CUL7: variants seen among roughly 807,000 people sequenced by gnomAD.
The protein encoded by CUL7 is cullin 7.
A neutral mutation model predicts 177.7 loss-of-function variants in CUL7; 96 were observed. The ratio of observed to expected loss-of-function variants is 0.54; its 90% confidence interval spans 0.46 to 0.64. CUL7 has a LOEUF of 0.64. Among genes scored for constraint, CUL7 ranks in the 30% least tolerant of loss-of-function variants. CUL7 has a pLI of 0.00. For synonymous variants in CUL7, 824 were observed against 890.2 expected (o/e 0.93, Z 1.32); for missense variants, 1,893 against 2,187.9 (o/e 0.87, Z 2.69).
Position 43,043,545 on chromosome 6 carries a change from G to T in CUL7, c.3258C>A (p.Gly1086=), listed in dbSNP as rs1410358690. The change falls in exon 17 of 26, where the codon GGC becomes GGA. Residue 1086 remains glycine, a synonymous_variant. Coordinates refer to ENST00000265348, the MANE Select transcript of CUL7 (RefSeq NM_014780.5). This position sits in a 1 kb window ranked among gnomAD's most constrained non-coding sequence, Gnocchi z 4.2. ...QEAVFNPQSR[G]PAFFSRVRRL... is the part of the protein sequence containing the mutation. ...GGCGCACCCGCGAGAAGAAAGCTGGGCCGCGGCTCTGGGGGTTGAAGACAG... is the reference window on the plus strand; with the variant it reads ...GGCGCACCCGCGAGAAGAAAGCTGGTCCGCGGCTCTGGGGGTTGAAGACAG... 3.7e-6 allele frequency: 6 copies of T among 1,614,032 alleles called. No individual in the cohort carries two copies. Among genetic ancestry groups the T allele is most frequent in the Non-Finnish European group, 5.1e-6 (6 of 1,179,958 alleles).
rs776082514 is a variant in CUL7 at position 43,052,272 on chromosome 6, G to A, written c.517C>T (p.Pro173Ser). ...GCACTCCAGCGAATCTGATAATCAGGACTACTCAACATGTGCATGAGCAAG... is the reference window on the plus strand; with the variant it reads ...GCACTCCAGCGAATCTGATAATCAGAACTACTCAACATGTGCATGAGCAAG... ...LDLLMHMLSS[P>S]DYQIRWSAGR... Residue 173 changes from proline (P) to serine (S), a missense_variant, in exon 2 of 26, where the codon CCT becomes TCT. By Grantham distance (74) the Pro-to-Ser change is moderately conservative. Around this residue, in one of 5 missense-constraint regions of CUL7, gnomAD observed 653 missense variants for 725.2 expected, o/e 0.90. Coordinates refer to ENST00000265348, the MANE Select transcript of CUL7 (RefSeq NM_014780.5). The surrounding 1 kb of genome is among the most constrained non-coding windows in gnomAD (Gnocchi z 4.5). 1 of 1,614,174 alleles carries A rather than the reference G, an allele frequency of 6.2e-7. No individual in the cohort carries two copies. Among genetic ancestry groups the A allele is most frequent in the South Asian group, 1.1e-5 (1 of 91,080 alleles).
intron 16 of CUL7, 94 bp downstream of exon 16, chr6:43,044,658 C>T: frequency 1.3e-6 from 2 of 1,520,596 alleles, no homozygotes; most frequent in Non-Finnish European, 1.8e-6. Flanking sequence ...AGGGCCAGGA[C>T]ATAATCCAGG....
chr6:43,046,532 A>G lies in CUL7; in HGVS notation c.2467T>C (p.Phe823Leu). The change falls in exon 11 of 26, where the codon TTC becomes CTC. Residue 823 changes from phenylalanine (F) to leucine (L), a missense_variant. This residue lies in a region of CUL7 where 973 missense variants were observed against 1,140.9 expected (regional missense o/e 0.85). Coordinates refer to ENST00000265348, the MANE Select transcript of CUL7 (RefSeq NM_014780.5). ...GAACCCTGGCACAGGTATCTGAGGAACACATCAAAGAAAGGGATGTTGATG... is the reference window on the plus strand; with the variant it reads ...GAACCCTGGCACAGGTATCTGAGGAGCACATCAAAGAAAGGGATGTTGATG... ...QPINIPFFDV[F>L]LRYLCQGSSV... is the part of the protein sequence containing the mutation. 1 of 1,614,168 alleles carries G rather than the reference A, an allele frequency of 6.2e-7. No homozygotes were observed. The highest frequency in any genetic ancestry group is 8.5e-7 in the Non-Finnish European group (1 of 1,180,036).
At position 43,046,264 on chromosome 6, in the gene CUL7, G is replaced by A. The variant is rs761800330; in HGVS notation, c.2632C>T (p.Leu878=). Residue 878 remains leucine (L), a synonymous_variant, in exon 12 of 26, where the codon CTG becomes TTG. Transcript: ENST00000265348. ...ATGAGGATGCCCCGGCGCATGTGCAGGGTGATGTAGTGGGAGCCGGCGCTG... is the reference window on the plus strand; with the variant it reads ...ATGAGGATGCCCCGGCGCATGTGCAAGGTGATGTAGTGGGAGCCGGCGCTG... ...NGSAGSHYIT[L]HMRRGILIRQ... 1 of 1,614,260 alleles carries A rather than the reference G, an allele frequency of 6.2e-7. No homozygotes were observed. The highest frequency in any genetic ancestry group is 1.1e-5 in the South Asian group (1 of 91,092).
At chr6:43,049,707 C>A in intron 6 of CUL7, 45 bp from the exon 7 acceptor site, 1 of 1,610,566 alleles carries the variant, frequency 6.2e-7, no homozygotes, top group Non-Finnish European at 8.5e-7. Flanking sequence ...CCTGCCGACC[C>A]AGAGGCCCCA....
At position 43,040,534 on chromosome 6, in the gene CUL7, A is replaced by C. The variant is rs750745627; in HGVS notation, c.4019T>G (p.Ile1340Arg). 10 of 1,613,894 alleles carry C rather than the reference A, an allele frequency of 6.2e-6. No homozygotes were observed. The highest frequency in any genetic ancestry group is 1.7e-5 in the Admixed American group (1 of 60,008). Residue 1340 changes from isoleucine to arginine, a missense_variant, in exon 21 of 26, where the codon ATA becomes AGA. Transcript: ENST00000265348. This position sits in a 1 kb window ranked among gnomAD's most constrained non-coding sequence, Gnocchi z 4.2. ...LLKLEDTEKK[I>R]QVGLGASGKE... ...TATCCCTTCCAAGGCACTCACCTGT[A>C]TTTTCTTCTCTGTATCCTCCAGCTT...
Position 43,053,621 on chromosome 6 carries a change from C to T in CUL7, c.-9+1G>A. On this transcript the variant is annotated splice_donor_variant, in intron 1 of 25. Coordinates refer to ENST00000265348, the MANE Select transcript of CUL7 (RefSeq NM_014780.5). LOFTEE classifies it low-confidence loss of function (5UTR_SPLICE). The surrounding 1 kb of genome is among the most constrained non-coding windows in gnomAD (Gnocchi z 4.1). ...AGGGGCCGCGGTGGGGCTCTGGCCACCTCAGAAGTCCACCGGGGTCCTGGC... is the reference window on the plus strand; with the variant it reads ...AGGGGCCGCGGTGGGGCTCTGGCCATCTCAGAAGTCCACCGGGGTCCTGGC... 1.5e-6 allele frequency: 2 copies of T among 1,373,398 alleles called. No homozygotes were observed. Among genetic ancestry groups the T allele is most frequent in the Non-Finnish European group, 1.9e-6 (2 of 1,068,008 alleles). 85.1% of individuals were successfully genotyped at this position (1,373,398 alleles called of 1,614,324 possible).
Position 43,040,674 on chromosome 6 carries a change from A to G in CUL7, c.3879T>C (p.Gly1293=). ...GGGGGAGGCGGTTGGGGAAGCAGGGACCGATCTGCTCCAGCACGGCCCCCT... is the reference window on the plus strand; with the variant it reads ...GGGGGAGGCGGTTGGGGAAGCAGGGGCCGATCTGCTCCAGCACGGCCCCCT... ...WLEGAVLEQI[G]PCFPNRLPQQ... The change falls in exon 21 of 26, where the codon GGT becomes GGC. Residue 1293 remains glycine (G), a synonymous_variant. Transcript: ENST00000265348. The surrounding 1 kb of genome is among the most constrained non-coding windows in gnomAD (Gnocchi z 4.2). 6.2e-7 allele frequency: 1 copy of G among 1,614,130 alleles called. No individual in the cohort carries two copies. The highest frequency in any genetic ancestry group is 8.5e-7 in the Non-Finnish European group (1 of 1,180,022).
intron 12 of CUL7, 47 bp from the exon 13 acceptor site, chr6:43,046,138 A>G (rs1763881412): frequency 6.2e-7 from 1 of 1,610,630 alleles, no homozygotes; most frequent in Non-Finnish European, 8.5e-7. Context: ...GACAGGGCCC[A>G]TGGCCAAGTC....
rs1763666649 is a variant in CUL7 at position 43,043,935 on chromosome 6, T to A, written c.3173-305A>T. On this transcript the variant is annotated intron_variant, in intron 16 of 25. Transcript: ENST00000265348. The surrounding 1 kb of genome is among the most constrained non-coding windows in gnomAD (Gnocchi z 4.2). ...GCTCATGCCTGTAATCCCAGCACTT[T>A]GGGAGGCTGAGGTGGGTGGATCACC... Among the ~76,000 whole-genome samples, 1 of 152,138 alleles carries A rather than the reference T, an allele frequency of 6.6e-6. No homozygotes were observed.
Position 43,038,977 on chromosome 6 carries a change from G to T in CUL7, c.4305C>A (p.His1435Gln). ...TCTGTGAGCCTCGCTCAAGGGCAGG[G>T]TGGCTCTGACCTGGACCAGGAAGGG... is the stretch of plus-strand genomic sequence containing the variant. ...YSNFYNKSQSHPALERGSQRR... is the reference protein window; with the variant it reads ...YSNFYNKSQSQPALERGSQRR... Residue 1435 changes from histidine to glutamine, a missense_variant, in exon 23 of 26, where the codon CAC (histidine) becomes CAA (glutamine). Physicochemically the swap from His to Gln is conservative, Grantham distance 24 (BLOSUM62 0). Transcript: ENST00000265348. 6.2e-7 allele frequency: 1 copy of T among 1,611,214 alleles called. No individual in the cohort carries two copies.
At position 43,050,549 on chromosome 6, in the gene CUL7, TACACACACACACACACACACACACAC is replaced by T. The variant is rs58059598; in HGVS notation, c.1234-177_1234-152del. 2.7e-4 allele frequency: 114 copies of T among 419,090 alleles called. No individual in the cohort carries two copies. Among genetic ancestry groups the T allele is most frequent in the East Asian group, 1.2e-3 (24 of 19,634 alleles). 26.0% of individuals were successfully genotyped at this position (419,090 alleles called of 1,614,324 possible). On this transcript the variant is annotated intron_variant, in intron 4 of 25. Transcript: ENST00000265348. The surrounding 1 kb of genome is among the most constrained non-coding windows in gnomAD (Gnocchi z 4.1). ...TAACAAAACAGCAGCATATGGAGAA[TACACACACACACACACACACACACAC>T]ACACACACACACACACACACACACA...
chr6:43,043,150 G>A lies in CUL7; in HGVS notation c.3386C>T (p.Ser1129Phe), dbSNP rs139640313. 1.9e-6 allele frequency: 3 copies of A among 1,614,038 alleles called. No homozygotes were observed. The highest frequency in any genetic ancestry group is 2.5e-6 in the Non-Finnish European group (3 of 1,179,984). Residue 1129 changes from serine (S) to phenylalanine (F), a missense_variant, in exon 18 of 26, where the codon TCC (serine) becomes TTC (phenylalanine). Transcript: ENST00000265348. This position sits in a 1 kb window ranked among gnomAD's most constrained non-coding sequence, Gnocchi z 4.2. Reference protein sequence around the residue: ...KGRNRSHDWSSLATRGLPSSI... With the variant: ...KGRNRSHDWSFLATRGLPSSI... ...GCTTGGAAGGCCCCGGGTAGCCAAG[G>A]AGCTCCAGTCGTGGCTTCTGTTTCT...
rs1763054546 is a variant in CUL7 at position 43,037,664 on chromosome 6, C to T, written c.*24G>A. ...ATTTCTGTAAAAGCTCCAGCTCTAC[C>T]TTCCCCTGACCCCAAGTCTAGGGCT... On this transcript the variant is annotated 3_prime_UTR_variant, in exon 26 of 26. Transcript: ENST00000265348. 1 of 1,543,604 alleles carries T rather than the reference C, an allele frequency of 6.5e-7. No homozygotes were observed. Among genetic ancestry groups the T allele is most frequent in the African/African-American group, 1.4e-5 (1 of 72,982 alleles).
rs1233852957 is a variant in CUL7 at position 43,045,977 on chromosome 6, G to A, written c.2766+9C>T. On this transcript the variant is annotated intron_variant, in intron 13 of 25. Coordinates refer to ENST00000265348, the MANE Select transcript of CUL7 (RefSeq NM_014780.5). This position sits in a 1 kb window ranked among gnomAD's most constrained non-coding sequence, Gnocchi z 4.8. The stretch of plus-strand genomic sequence containing the variant: ...GGTGGAGTAATGGCTAATGGCCCTG[G>A]GGTCCTACCGAGTTGAGTTCCGTGT... The A allele has an allele frequency of 1.9e-6, 3 of 1,605,906 alleles. No individual in the cohort carries two copies. The highest frequency in any genetic ancestry group is 1.7e-6 in the Non-Finnish European group (2 of 1,172,592).
At chr6:43,049,385 A>G (rs182261324) in intron 7 of CUL7, 22 bp downstream of exon 7, 1 of 1,614,118 alleles carries the variant, frequency 6.2e-7, no homozygotes, top group East Asian at 2.2e-5. Flanking sequence ...GTGTCAGCTC[A>G]GCTGCTGTGT....
Position 43,050,940 on chromosome 6 carries a change from C to T in CUL7, c.1233+28G>A, listed in dbSNP as rs767776243. The T allele has an allele frequency of 6.2e-7, 1 of 1,613,008 alleles. No individual in the cohort carries two copies. The highest frequency in any genetic ancestry group is 1.3e-5 in the African/African-American group (1 of 75,006). On this transcript the variant is annotated intron_variant, in intron 4 of 25. Coordinates refer to ENST00000265348, the MANE Select transcript of CUL7 (RefSeq NM_014780.5). This position sits in a 1 kb window ranked among gnomAD's most constrained non-coding sequence, Gnocchi z 4.1. The stretch of plus-strand genomic sequence containing the variant: ...TGCCCTACCCCAAATAGACCCCCAA[C>T]AGTATCCCACCACCATGTGCCACTC...
At chr6:43,038,078 C>G in intron 25 of CUL7, 67 bp from the exon 26 acceptor site, 1 of 1,532,454 alleles carries the variant, frequency 6.5e-7, no homozygotes, top group Non-Finnish European at 8.8e-7. Context: ...CTTGAGCTTC[C>G]ACTCCAACCA....
Position 43,052,306 on chromosome 6 carries a change from C to G in CUL7, c.483G>C (p.Arg161Ser). ...EPLTGVFKDP[R>S]VLDLLMHMLS... is the part of the protein sequence containing the mutation. ...ACATGTGCATGAGCAAGTCCAGGAC[C>G]CTTGGGTCCTTGAATACTCCAGTGA... Residue 161 changes from arginine (R) to serine (S), a missense_variant, in exon 2 of 26, where the codon AGG becomes AGC. Arg to Ser is a moderately radical substitution (Grantham distance 110). Transcript: ENST00000265348. The surrounding 1 kb of genome is among the most constrained non-coding windows in gnomAD (Gnocchi z 4.5). 1 of 1,614,208 alleles carries G rather than the reference C, an allele frequency of 6.2e-7. No individual in the cohort carries two copies. Among genetic ancestry groups the G allele is most frequent in the South Asian group, 1.1e-5 (1 of 91,080 alleles).
Sources: gnomAD v4.1 joint callset for allele counts (sites outside exome capture counted in the v4.1 genomes callset) on GRCh38, gnomAD v4.1.1 for gene constraint, gnomAD v4.1.1 regional missense constraint, Gnocchi (gnomAD v3.1) non-coding constraint, MANE v1.5 for transcripts, NCBI Gene and HGNC (gene_info 2026-07-23, HGNC 2026-07-21) for gene names.